The following RBPJ variants were observed in gnomAD, a reference collection of about 807,000 sequenced individuals.
RBPJ encodes recombination signal binding protein for immunoglobulin kappa J region.
RBPJ carries 9 observed loss-of-function variants against 67.8 expected under a neutral mutation model. The ratio of observed to expected loss-of-function variants is 0.13; its 90% CI spans 0.08 to 0.23. RBPJ has a LOEUF of 0.23. Among genes scored for constraint, RBPJ ranks in the 10% least tolerant of loss-of-function variants. The pLI is 1.00. For synonymous variants in RBPJ, 198 were observed against 203.3 expected, an observed-to-expected ratio of 0.97 and a Z score of 0.22; for missense variants, 305 against 595.6, an observed-to-expected ratio of 0.51 and a Z score of 5.08.
intron 1 of RBPJ, among the ~76,000 whole-genome samples, chr4:26,218,605 G>A (rs761310338): frequency 7.9e-5 from 12 of 152,290 alleles, no homozygotes; most frequent in Admixed American, 2.6e-4. Flanking sequence ...TGTGGCTGTC[G>A]CTGTTGCTGT....
chr4:26,282,175 T>G (rs1460156058), intron 1 of RBPJ, among the ~76,000 whole-genome samples: 1 of 147,934 alleles, frequency 6.8e-6, no homozygotes, highest in Admixed American at 6.8e-5. Flanking sequence ...AAATCTTGCC[T>G]GTGAATCATC....
At chr4:26,236,935 T>G (rs924439869) in intron 1 of RBPJ, among the ~76,000 whole-genome samples, 1 of 152,182 alleles carries the variant, frequency 6.6e-6, no homozygotes, top group African/African-American at 2.4e-5. Context: ...GAGTTTGATT[T>G]TATTGGATTT....
intron 2 of RBPJ, among the ~76,000 whole-genome samples, chr4:26,388,704 AAG>A (rs1466521238): frequency 6.6e-6 from 1 of 152,170 alleles, no homozygotes; most frequent in African/African-American, 2.4e-5. Flanking sequence ...AGAATGGACA[AAG>A]AGGAGATTAG....
chr4:26,393,456 C>T (rs1731749830), intron 2 of RBPJ, among the ~76,000 whole-genome samples: 1 of 152,114 alleles, frequency 6.6e-6, no homozygotes, highest in Admixed American at 6.5e-5. Context: ...CTGACTGCAA[C>T]CTCCGCCTCC....
chr4:26,133,351 A>T, the RBPJ span, among the ~76,000 whole-genome samples: 1 of 152,214 alleles, frequency 6.6e-6, no homozygotes, highest in Non-Finnish European at 1.5e-5. Context: ...GGGCAGACAG[A>T]TTGCTTGAGC....
chr4:26,382,248 A>G (rs978201604), intron 1 of RBPJ, among the ~76,000 whole-genome samples: 5 of 152,236 alleles, frequency 3.3e-5, no homozygotes, highest in Non-Finnish European at 5.9e-5. Flanking sequence ...ATGGAGAGAC[A>G]GTATAATCAG....
intron 1 of RBPJ, among the ~76,000 whole-genome samples, chr4:26,218,488 C>T (rs924817452): frequency 6.6e-6 from 1 of 152,096 alleles, no homozygotes; most frequent in Non-Finnish European, 1.5e-5. Context: ...GTGAACATTC[C>T]TACCAGGACG....
chr4:26,108,367 G>A, the RBPJ span, among the ~76,000 whole-genome samples: 1 of 152,210 alleles, frequency 6.6e-6, no homozygotes, highest in African/African-American at 2.4e-5. Flanking sequence ...GAGAATCAGT[G>A]GGCAGTTCCC....
chr4:26,402,904 T>C (rs1194871775), intron 2 of RBPJ, among the ~76,000 whole-genome samples: 1 of 152,184 alleles, frequency 6.6e-6, no homozygotes, highest in Non-Finnish European at 1.5e-5. Flanking sequence ...GAGTTGACTT[T>C]TGTCAGCAGA....
In RBPJ at chr4:26,252,572, G is replaced by A. The variant is rs562025109; in HGVS notation, c.-167+88958G>A. Among the ~76,000 whole-genome samples, 3 of 152,130 alleles carry A rather than the reference G, an allele frequency of 2.0e-5. No individual in the cohort carries two copies. In the South Asian group the frequency reaches 6.2e-4, roughly 32 times the overall value. On this transcript the variant is annotated intron_variant, in intron 1 of 4. Transcript: ENST00000512351. ...TTGCATTCCAACCCAAGTGACAGAG[G>A]GAGACCGCTGACTCAAAGAGAGAGA...
At chr4:26,418,992 A>G (rs1048045448) in intron 4 of RBPJ, among the ~76,000 whole-genome samples, 1 of 151,924 alleles carries the variant, frequency 6.6e-6, no homozygotes, top group Admixed American at 6.6e-5. Flanking sequence ...ATCTTTATTC[A>G]TTTTGAGACA....
At chr4:26,144,221 A>ATT in the RBPJ span, among the ~76,000 whole-genome samples, 43 of 148,166 alleles carry the variant, frequency 2.9e-4, no homozygotes, top group East Asian at 7.4e-3. Context: ...ATTTGTTTCA[A>ATT]TTTTTTTATA....
chr4:26,190,591 C>T (rs759716952), intron 1 of RBPJ, among the ~76,000 whole-genome samples: 14 of 152,150 alleles, frequency 9.2e-5, no homozygotes, highest in African/African-American at 1.2e-4. Context: ...TGCCTCTCTT[C>T]GAGGGCTCCA....
At chr4:26,333,160 T>C (rs1484365388) in intron 1 of RBPJ, among the ~76,000 whole-genome samples, 1 of 152,202 alleles carries the variant, frequency 6.6e-6, no homozygotes, top group Non-Finnish European at 1.5e-5. Context: ...GAGAGCTGAC[T>C]GCCGGTCTTG....
the RBPJ span, among the ~76,000 whole-genome samples, chr4:26,108,398 T>G: frequency 6.6e-6 from 1 of 152,198 alleles, no homozygotes; most frequent in Non-Finnish European, 1.5e-5. Context: ...AATTCAGCCT[T>G]GGTGCATTCC....
At chr4:26,317,400 G>A (rs1374287507), upstream of RBPJ, among the ~76,000 whole-genome samples, 1 of 152,154 alleles carries the variant, frequency 6.6e-6, no homozygotes, top group Non-Finnish European at 1.5e-5. Context: ...GAACAGTAAG[G>A]AAGGCAACTG....
Position 26,304,040 on chromosome 4 carries a change from T to G in RBPJ, c.-166-58406T>G, listed in dbSNP as rs189337108. ...TTCACAGTTATCCCCACATACACAC[T>G]GCCGGGCCCTAGACAGCCATTAATC... On this transcript the variant is annotated intron_variant, in intron 1 of 4. Coordinates refer to the RBPJ transcript ENST00000512351. 1.0e-3 allele frequency among the ~76,000 whole-genome samples: 158 copies of G among 152,284 alleles called. 2 individuals carry two copies. The highest frequency in any genetic ancestry group is 3.5e-3 in the African/African-American group (147 of 41,560).
chr4:26,320,860 G>A, upstream of RBPJ: 2 of 1,571,384 alleles, frequency 1.3e-6, no homozygotes, highest in Non-Finnish European at 1.7e-6. Context: ...CTACTCTGCG[G>A]GCGGCGCGAG....
intron 1 of RBPJ, among the ~76,000 whole-genome samples, chr4:26,303,209 TA>T (rs1268949295): frequency 1.4e-5 from 2 of 144,750 alleles, no homozygotes; most frequent in African/African-American, 5.1e-5. Context: ...AATAAATAAA[TA>T]AATAAATAAT....
Sources: gnomAD v4.1 joint callset for allele counts (sites outside exome capture counted in the v4.1 genomes callset) on GRCh38, gnomAD v4.1.1 for gene constraint, MANE v1.5 for transcripts, NCBI Gene and HGNC (gene_info 2026-07-23, HGNC 2026-07-21) for gene names.